CUL3: variants seen among roughly 807,000 people sequenced by gnomAD.
The protein encoded by CUL3 is cullin-3.
CUL3 carries 19 observed loss-of-function variants against 89.1 expected under a neutral mutation model. That is an observed-to-expected ratio of 0.21 (90% CI 0.15 to 0.31). The LOEUF (loss-of-function observed/expected upper bound fraction) is 0.31, where lower values mean the gene tolerates loss of function less well. CUL3 is among the 10% of genes least tolerant of loss of function. The pLI is 1.00. For missense variants in CUL3, 469 were observed against 942.3 expected, an observed-to-expected ratio of 0.50 and a Z score of 6.58; for synonymous variants, 351 against 308.4, an observed-to-expected ratio of 1.14 and a Z score of -1.45.
chr2:224,536,126 A>G (rs1034166683), intron 2 of CUL3, among the ~76,000 whole-genome samples: 3 of 152,206 alleles, frequency 2.0e-5, no homozygotes, highest in African/African-American at 7.2e-5. Context: ...CAGTTTCCTT[A>G]TATGTGAAAT....
chr2:224,538,433 T>G lies in CUL3; in HGVS notation c.265-2792A>C, dbSNP rs555214081. 2.9e-4 allele frequency among the ~76,000 whole-genome samples: 44 copies of G among 152,304 alleles called. 1 individual carries two copies. Among genetic ancestry groups the G allele is most frequent in the Admixed American group, 3.9e-4 (6 of 15,292 alleles). Reference sequence around the variant, plus strand: ...GAAAAAAGGATCTTTATTTTACAAATTATTAACATCTTATAAAAAAATTGA... The same window carrying G: ...GAAAAAAGGATCTTTATTTTACAAAGTATTAACATCTTATAAAAAAATTGA... On this transcript the variant is annotated intron_variant, in intron 2 of 15. Coordinates refer to ENST00000264414, the MANE Select transcript of CUL3 (RefSeq NM_003590.5).
chr2:224,560,187 G>C (rs1574696666), intron 1 of CUL3, among the ~76,000 whole-genome samples: 1 of 151,906 alleles, frequency 6.6e-6, no homozygotes, highest in African/African-American at 2.4e-5. Context: ...TGTTTTACTG[G>C]CTCTTAATTA....
chr2:224,554,143 T>C (rs1414159720), intron 2 of CUL3, among the ~76,000 whole-genome samples: 1 of 152,134 alleles, frequency 6.6e-6, no homozygotes. Flanking sequence ...TGTTTTTTTC[T>C]GCACCTGTGC....
intron 6 of CUL3, among the ~76,000 whole-genome samples, chr2:224,507,807 A>C (rs183979448): frequency 3.3e-4 from 51 of 152,318 alleles, no homozygotes; most frequent in African/African-American, 1.1e-3. Flanking sequence ...TTGCAATAAC[A>C]ACTTACTGGG....
intron 3 of CUL3, among the ~76,000 whole-genome samples, chr2:224,520,583 TA>T (rs1479453156): frequency 2.6e-5 from 4 of 152,204 alleles, no homozygotes; most frequent in Admixed American, 2.0e-4. Flanking sequence ...CCACCAGTTT[TA>T]AAACATCAAC....
intron 3 of CUL3, among the ~76,000 whole-genome samples, chr2:224,521,335 T>C (rs569648537): frequency 2.0e-4 from 30 of 152,278 alleles, no homozygotes; most frequent in Non-Finnish European, 3.5e-4. Flanking sequence ...TCTGAAAGCT[T>C]AGTATAAATA....
intron 7 of CUL3, 38 bp downstream of exon 7, chr2:224,506,820 T>C (rs1692620591): frequency 6.2e-7 from 1 of 1,602,188 alleles, no homozygotes; most frequent in African/African-American, 1.3e-5. Context: ...TCAAAATGCC[T>C]TTATCATAAA....
At chr2:224,513,936 A>G (rs1692938658) in intron 4 of CUL3, among the ~76,000 whole-genome samples, 1 of 152,246 alleles carries the variant, frequency 6.6e-6, no homozygotes, top group Admixed American at 6.5e-5. Flanking sequence ...AGAGGGAGAT[A>G]GGCAGATTAA....
At chr2:224,577,653 T>C (rs1695333625) in intron 1 of CUL3, among the ~76,000 whole-genome samples, 1 of 152,130 alleles carries the variant, frequency 6.6e-6, no homozygotes, top group African/African-American at 2.4e-5. Context: ...GCTTTCAGTC[T>C]CTTTACTTTT....
chr2:224,497,950 G>T, intron 11 of CUL3, 101 bp from the exon 12 acceptor site: 2 of 868,778 alleles, frequency 2.3e-6, no homozygotes, highest in Non-Finnish European at 1.9e-6. Flanking sequence ...GTGTGTGTGT[G>T]TGTGTGTATG....
At chr2:224,540,527 C>T (rs1298471695) in intron 2 of CUL3, among the ~76,000 whole-genome samples, 2 of 152,094 alleles carry the variant, frequency 1.3e-5, no homozygotes, top group African/African-American at 2.4e-5. Flanking sequence ...AAAGTATCTA[C>T]CCAGGTGACT....
At chr2:224,474,874 G>GT (rs1392040989) in intron 15 of CUL3, among the ~76,000 whole-genome samples, 2 of 152,166 alleles carry the variant, frequency 1.3e-5, no homozygotes, top group Non-Finnish European at 2.9e-5. Flanking sequence ...CCCAATCATA[G>GT]TAAGTGCTTC....
intron 2 of CUL3, among the ~76,000 whole-genome samples, chr2:224,545,862 A>G (rs992767034): frequency 1.3e-5 from 2 of 152,222 alleles, no homozygotes; most frequent in East Asian, 1.9e-4. Context: ...ACAATTTCAT[A>G]CATAAAGATA....
Position 224,485,791 on chromosome 2 carries a change from G to A in CUL3, c.1843-3713C>T, listed in dbSNP as rs555056260. ...ACAGACTGCCTCCTCAAGTGGGTCCGTGTCCCCCATGCCTCCCTGACAGGA... is the reference window on the plus strand; with the variant it reads ...ACAGACTGCCTCCTCAAGTGGGTCCATGTCCCCCATGCCTCCCTGACAGGA... On this transcript the variant is annotated intron_variant, in intron 13 of 15. Transcript: ENST00000264414. The surrounding 1 kb of genome is among the most constrained non-coding windows in gnomAD (Gnocchi z 4.1). 6.6e-6 allele frequency among the ~76,000 whole-genome samples: 1 copy of A among 152,334 alleles called. No individual in the cohort carries two copies. The highest frequency in any genetic ancestry group is 6.5e-5 in the Admixed American group (1 of 15,306).
intron 1 of CUL3, among the ~76,000 whole-genome samples, chr2:224,559,405 A>T (rs914575464): frequency 6.6e-6 from 1 of 150,856 alleles, no homozygotes; most frequent in Non-Finnish European, 1.5e-5. Context: ...GGGATCCAAG[A>T]TCACAACACT....
At chr2:224,544,001 A>T (rs914109396) in intron 2 of CUL3, among the ~76,000 whole-genome samples, 1 of 152,032 alleles carries the variant, frequency 6.6e-6, no homozygotes, top group Non-Finnish European at 1.5e-5. Context: ...AAAAAAAAAG[A>T]AAAAAGTTTC....
At position 224,526,585 on chromosome 2, in the gene CUL3, CAAAAAAAAAAAAA is replaced by C. The variant is rs1166152595; in HGVS notation, c.378+8930_378+8942del. Among the ~76,000 whole-genome samples the C allele has an allele frequency of 4.5e-3, 119 of 26,170 alleles. 1 individual carries two copies. In the East Asian group the frequency reaches 0.072, roughly 16 times the overall value. 17.2% of individuals were successfully genotyped at this position (26,170 alleles called of 152,430 possible). On this transcript the variant is annotated intron_variant, in intron 3 of 15. Coordinates refer to ENST00000264414, the MANE Select transcript of CUL3 (RefSeq NM_003590.5). ...TGGGCGACAGAGGGAGACTCCGTCT[CAAAAAAAAAAAAA>C]AAAAAAAAAAAAAGAAAAGAAAAAC...
intron 6 of CUL3, among the ~76,000 whole-genome samples, chr2:224,508,108 GAT>G (rs1692671934): frequency 2.6e-5 from 1 of 37,864 alleles, no homozygotes; most frequent in Non-Finnish European, 4.7e-5. Context: ...AAATACTCTT[GAT>G]TTTTTTTTTT....
chr2:224,563,746 C>A (rs569733653), intron 1 of CUL3, among the ~76,000 whole-genome samples: 2 of 152,156 alleles, frequency 1.3e-5, no homozygotes, highest in Non-Finnish European at 2.9e-5. Flanking sequence ...ATGTTACACA[C>A]CCCACACCCA....
Sources: allele counts gnomAD v4.1 joint callset (sites outside exome capture counted in the v4.1 genomes callset), GRCh38; gene constraint gnomAD v4.1.1; non-coding constraint Gnocchi (gnomAD v3.1); transcripts MANE v1.5; gene names NCBI Gene and HGNC (gene_info 2026-07-23, HGNC 2026-07-21).